CALD1: variants seen among roughly 807,000 people sequenced by gnomAD.
CALD1 encodes caldesmon.
Under a neutral mutation model 99.9 loss-of-function variants are expected in CALD1, and 33 were observed. That is an observed-to-expected ratio of 0.33 (90% confidence interval 0.25 to 0.44). The LOEUF (loss-of-function observed/expected upper bound fraction) is 0.44, where lower values mean the gene tolerates loss of function less well. CALD1 is among the 20% of genes least tolerant of loss of function. The pLI is 1.00. For synonymous variants in CALD1, 310 were observed against 325.0 expected (o/e 0.95, Z 0.50); for missense variants, 861 against 962.1 (o/e 0.89, Z 1.39).
intron 1 of CALD1, among the ~76,000 whole-genome samples, chr7:134,784,268 C>T (rs7796304): frequency 0.97 from 148,304 of 152,302 alleles, 72,252 homozygotes; most frequent in East Asian, 1. Context: ...ACATATTAAG[C>T]AGGAATATAT....
At chr7:134,747,138 T>A (rs2131545106) in intron 1 of CALD1, among the ~76,000 whole-genome samples, 1 of 152,324 alleles carries the variant, frequency 6.6e-6, no homozygotes, top group Admixed American at 6.5e-5. Flanking sequence ...GTCATCTCAA[T>A]GGAAGCCAGG....
intron 3 of CALD1, among the ~76,000 whole-genome samples, chr7:134,903,597 T>C (rs554097085): frequency 2.6e-5 from 4 of 152,254 alleles, no homozygotes; most frequent in African/African-American, 9.6e-5. Context: ...GGCTTGTAGA[T>C]GCGTCACTCC....
chr7:134,805,161 T>A lies in CALD1; in HGVS notation c.-130+25412T>A, dbSNP rs145458734. Among the ~76,000 whole-genome samples, 83 of 152,330 alleles carry A rather than the reference T, an allele frequency of 5.4e-4. 1 individual carries two copies. In the East Asian group the frequency reaches 0.016, roughly 29 times the overall value. ...GGCCTGTTCAATCCAGAAAAACACA[T>A]CTTATAGTTAGAAATTTTCTTATAT... On this transcript the variant is annotated intron_variant, in intron 1 of 14. Transcript: ENST00000361675.
chr7:134,790,868 T>C lies in CALD1; in HGVS notation c.-130+11119T>C, dbSNP rs1041224863. On this transcript the variant is annotated intron_variant, in intron 1 of 14. Coordinates refer to ENST00000361675, the MANE Select transcript of CALD1 (RefSeq NM_033138.4). ...CAAATACTTCAAGCTGTTTTGGTGT[T>C]TGATTATGTCAAATTTTAAGAAAAG... Among the ~76,000 whole-genome samples the C allele has an allele frequency of 2.0e-5, 3 of 152,198 alleles. No homozygotes were observed. The East Asian group carries it at 5.8e-4, about 29-fold the overall frequency.
chr7:134,808,397 C>T (rs1009112434), intron 1 of CALD1, among the ~76,000 whole-genome samples: 7 of 152,164 alleles, frequency 4.6e-5, no homozygotes, highest in Non-Finnish European at 1.0e-4. Flanking sequence ...CATGAGCCAC[C>T]ACCTGGCCCC....
At chr7:134,872,357 CAAAAAA>C (rs35569742) in intron 3 of CALD1, among the ~76,000 whole-genome samples, 1 of 100,404 alleles carries the variant, frequency 1.0e-5, no homozygotes, top group African/African-American at 3.1e-5. Context: ...GACTCGGTCT[CAAAAAA>C]AAAAAAAAAA....
intron 2 of CALD1, among the ~76,000 whole-genome samples, chr7:134,848,626 A>G (rs1481581392): frequency 1.3e-5 from 2 of 152,202 alleles, no homozygotes; most frequent in African/African-American, 4.8e-5. Flanking sequence ...TACTGCATTC[A>G]TGTTGGGCCC....
the CALD1 span, among the ~76,000 whole-genome samples, chr7:134,727,986 T>G: frequency 2.6e-5 from 4 of 152,226 alleles, no homozygotes; most frequent in Admixed American, 2.6e-4. Flanking sequence ...GATCCAAGTC[T>G]GTGTTATGAA....
intron 7 of CALD1, among the ~76,000 whole-genome samples, chr7:134,943,394 T>C (rs550230927): frequency 6.6e-6 from 1 of 152,276 alleles, no homozygotes; most frequent in Non-Finnish European, 1.5e-5. Flanking sequence ...GCAGAGGTGG[T>C]GTGAACAAAA....
At chr7:134,739,891 C>T (rs1245924707), upstream of CALD1, among the ~76,000 whole-genome samples, 1 of 151,644 alleles carries the variant, frequency 6.6e-6, no homozygotes, top group Non-Finnish European at 1.5e-5. Flanking sequence ...AATCAAATGG[C>T]ATAATTTTAT....
chr7:134,794,297 T>C (rs1797664158), intron 1 of CALD1, among the ~76,000 whole-genome samples: 1 of 152,188 alleles, frequency 6.6e-6, no homozygotes, highest in Non-Finnish European at 1.5e-5. Context: ...TCGCACGGGA[T>C]GCATTTCCTA....
chr7:134,786,263 T>C (rs983889904), intron 1 of CALD1, among the ~76,000 whole-genome samples: 7 of 152,260 alleles, frequency 4.6e-5, no homozygotes, highest in African/African-American at 1.7e-4. Flanking sequence ...TCATATGTGC[T>C]ACTATTTTTC....
chr7:134,928,940 C>G, intron 4 of CALD1, 40 bp downstream of exon 4: 1 of 1,543,542 alleles, frequency 6.5e-7, no homozygotes, highest in Non-Finnish European at 8.8e-7. Flanking sequence ...TAACTTGCGT[C>G]TTAGCCTGTC....
intron 1 of CALD1, among the ~76,000 whole-genome samples, chr7:134,803,255 G>A (rs1798012778): frequency 1.3e-5 from 2 of 151,870 alleles, no homozygotes; most frequent in Non-Finnish European, 2.9e-5. Context: ...TTTTGTAGGA[G>A]CTCATTATAC....
chr7:134,949,844 T>C (rs112615370), intron 8 of CALD1, among the ~76,000 whole-genome samples: 16 of 151,874 alleles, frequency 1.1e-4, no homozygotes, highest in African/African-American at 3.6e-4. Context: ...CTGGGTCACA[T>C]TGGAAGAAGA....
intron 1 of CALD1, among the ~76,000 whole-genome samples, chr7:134,834,482 A>C (rs1343400834): frequency 2.0e-5 from 3 of 152,242 alleles, no homozygotes; most frequent in African/African-American, 7.2e-5. Context: ...TGTTCTACAA[A>C]AAGAACAGAT....
chr7:134,908,845 A>T (rs111971540), intron 3 of CALD1, among the ~76,000 whole-genome samples: 7 of 152,288 alleles, frequency 4.6e-5, no homozygotes, highest in African/African-American at 1.7e-4. Flanking sequence ...AACAAGTTAG[A>T]CAGGTTTCCT....
chr7:134,779,158 A>C (rs776120261), upstream of CALD1, among the ~76,000 whole-genome samples: 4 of 152,204 alleles, frequency 2.6e-5, no homozygotes, highest in Non-Finnish European at 2.9e-5. Flanking sequence ...CCCTCTGGTA[A>C]GAAGCCTTCC....
chr7:134,911,520 G>T (rs1186597954), intron 3 of CALD1, among the ~76,000 whole-genome samples: 1 of 150,652 alleles, frequency 6.6e-6, no homozygotes, highest in Non-Finnish European at 1.5e-5. Context: ...GCATAGAATT[G>T]TCAGCCTTTC....
Sources: allele counts gnomAD v4.1 joint callset (sites outside exome capture counted in the v4.1 genomes callset), GRCh38; gene constraint gnomAD v4.1.1; transcripts MANE v1.5; gene names NCBI Gene and HGNC (gene_info 2026-07-23, HGNC 2026-07-21).